Variants in GPC5 observed in about 807,000 individuals in gnomAD.
GPC5 encodes glypican 5, also known as glypican-5.
GPC5 carries 47 observed loss-of-function variants against 53.9 expected under a neutral mutation model. That is an observed-to-expected ratio of 0.87 (90% confidence interval 0.69 to 1.11). GPC5 has a LOEUF of 1.11. Among genes scored for constraint, GPC5 ranks in the 50% most tolerant of loss-of-function variants. The pLI is 0.00. For missense variants in GPC5, 748 were observed against 713.1 expected (o/e 1.05, Z -0.56); for synonymous variants, 286 against 263.3 (o/e 1.09, Z -0.84).
chr13:91,557,662 G>C (rs16946173), intron 2 of GPC5, among the ~76,000 whole-genome samples: 61,622 of 152,006 alleles, frequency 0.41, 14,856 homozygotes, highest in African/African-American at 0.69. Flanking sequence ...TTCCCAGTAT[G>C]TCACAGAATC....
intron 2 of GPC5, among the ~76,000 whole-genome samples, chr13:91,627,503 T>C (rs2034037872): frequency 6.6e-6 from 1 of 152,106 alleles, no homozygotes; most frequent in Admixed American, 6.6e-5. Flanking sequence ...CCTTAGATTG[T>C]AATTGTCACT....
At chr13:92,789,582 T>G (rs1876390125) in intron 7 of GPC5, among the ~76,000 whole-genome samples, 1 of 152,176 alleles carries the variant, frequency 6.6e-6, no homozygotes, top group Admixed American at 6.5e-5. Flanking sequence ...TAGTCATTAT[T>G]AAATATATAT....
At chr13:91,761,166 G>C (rs1186629679) in intron 5 of GPC5, among the ~76,000 whole-genome samples, 1 of 151,938 alleles carries the variant, frequency 6.6e-6, no homozygotes, top group Non-Finnish European at 1.5e-5. Context: ...TAATTACCAG[G>C]GCTTCCTTTT....
chr13:92,203,374 A>G (rs2042308582), intron 7 of GPC5, among the ~76,000 whole-genome samples: 1 of 146,146 alleles, frequency 6.8e-6, no homozygotes, highest in Non-Finnish European at 1.5e-5. Context: ...ATTCTCAGTA[A>G]ACTATCACAA....
rs1172002253 is a variant in GPC5 at position 91,571,782 on chromosome 13, CAT to C, written c.326-121401_326-121400del. Among the ~76,000 whole-genome samples the C allele has an allele frequency of 9.0e-4, 124 of 137,764 alleles. 3 individuals are homozygous for C. Among genetic ancestry groups the C allele is most frequent in the East Asian group, 4.3e-3 (20 of 4,696 alleles). The allele number at this position is 137,764 out of a possible 152,430, so 90.4% of individuals were successfully genotyped here. On this transcript the variant is annotated intron_variant, in intron 2 of 7. Transcript: ENST00000377067. ...ACATGTGTATGTGTATATACACACA[CAT>C]ATACGTGTGTGTATATATACACACA...
chr13:92,227,959 A>G (rs1425323136), intron 7 of GPC5, among the ~76,000 whole-genome samples: 1 of 152,188 alleles, frequency 6.6e-6, no homozygotes, highest in African/African-American at 2.4e-5. Context: ...TATGTATTGT[A>G]TACTTCCAAT....
chr13:92,412,483 G>A (rs1476179228), intron 7 of GPC5, among the ~76,000 whole-genome samples: 14 of 152,140 alleles, frequency 9.2e-5, no homozygotes, highest in Admixed American at 7.2e-4. Context: ...TATATGGCAC[G>A]TGAGCCAAGA....
chr13:92,767,537 G>A (rs996165271), intron 7 of GPC5, among the ~76,000 whole-genome samples: 9 of 152,160 alleles, frequency 5.9e-5, no homozygotes, highest in Middle Eastern at 3.4e-3. Context: ...CTTTCTTTTC[G>A]TATTTGCATT....
At chr13:91,428,399 G>A (rs186007452) in intron 1 of GPC5, among the ~76,000 whole-genome samples, 6 of 152,248 alleles carry the variant, frequency 3.9e-5, no homozygotes, top group Non-Finnish European at 5.9e-5. Flanking sequence ...CTTATGGGTA[G>A]GCTTGGAAAA....
intron 6 of GPC5, among the ~76,000 whole-genome samples, chr13:92,084,045 T>C (rs918380669): frequency 2.0e-5 from 3 of 152,142 alleles, no homozygotes; most frequent in African/African-American, 7.2e-5. Context: ...CACAGCATGT[T>C]CTCACTTATA....
At chr13:91,833,063 T>C (rs1369902172) in intron 5 of GPC5, among the ~76,000 whole-genome samples, 1 of 151,976 alleles carries the variant, frequency 6.6e-6, no homozygotes, top group Non-Finnish European at 1.5e-5. Context: ...AAAGGGGATA[T>C]CACTACTGAT....
chr13:91,439,236 T>C (rs1348458601), intron 1 of GPC5, among the ~76,000 whole-genome samples: 2 of 152,234 alleles, frequency 1.3e-5, no homozygotes, highest in Non-Finnish European at 2.9e-5. Context: ...ATTTTGATTG[T>C]TATAGCTGGT....
At chr13:91,865,662 A>G (rs2039075726) in intron 5 of GPC5, among the ~76,000 whole-genome samples, 1 of 152,156 alleles carries the variant, frequency 6.6e-6, no homozygotes, top group African/African-American at 2.4e-5. Context: ...GAAACGTCAG[A>G]TAATATTTGC....
At chr13:92,579,840 C>G (rs1197955279) in intron 7 of GPC5, among the ~76,000 whole-genome samples, 1 of 152,204 alleles carries the variant, frequency 6.6e-6, no homozygotes, top group Non-Finnish European at 1.5e-5. Context: ...AGGTTTCTCT[C>G]TCTCTCTCTC....
chr13:91,584,733 C>A (rs931089166), intron 2 of GPC5, among the ~76,000 whole-genome samples: 1 of 152,078 alleles, frequency 6.6e-6, no homozygotes, highest in Non-Finnish European at 1.5e-5. Context: ...GTGCCCACCA[C>A]CATGCCCAGC....
intron 2 of GPC5, among the ~76,000 whole-genome samples, chr13:91,560,835 A>C (rs2031219773): frequency 1.3e-5 from 2 of 152,140 alleles, no homozygotes; most frequent in African/African-American, 4.8e-5. Flanking sequence ...TTGAGTCACC[A>C]CAGTGGAGAG....
chr13:91,536,656 G>T lies in GPC5; in HGVS notation c.325+87734G>T, dbSNP rs184713300. Among the ~76,000 whole-genome samples the T allele has an allele frequency of 1.1e-3, 173 of 152,230 alleles. 1 individual carries two copies. Among genetic ancestry groups the T allele is most frequent in the African/African-American group, 3.9e-3 (163 of 41,534 alleles). ...GCACGGCTGTCTTCTCCCTGTGTAT[G>T]TTCACATTGTCTTTCCTCTCTGCAT... On this transcript the variant is annotated intron_variant, in intron 2 of 7. Coordinates refer to ENST00000377067, the MANE Select transcript of GPC5 (RefSeq NM_004466.6).
chr13:91,807,800 A>T (rs2038245801), intron 5 of GPC5, among the ~76,000 whole-genome samples: 1 of 152,190 alleles, frequency 6.6e-6, no homozygotes, highest in South Asian at 2.1e-4. Flanking sequence ...ATATTTTCCA[A>T]CAGTTCTTTT....
chr13:92,769,047 T>C (rs1875515895), intron 7 of GPC5, among the ~76,000 whole-genome samples: 2 of 152,336 alleles, frequency 1.3e-5, no homozygotes, highest in African/African-American at 4.8e-5. Context: ...TTACAGATTG[T>C]ATATAACTAT....
Sources: gnomAD v4.1 joint callset for allele counts (sites outside exome capture counted in the v4.1 genomes callset) on GRCh38, gnomAD v4.1.1 for gene constraint, MANE v1.5 for transcripts, NCBI Gene and HGNC (gene_info 2026-07-23, HGNC 2026-07-21) for gene names.